The following AUTS2 variants were observed in gnomAD, a reference collection of about 807,000 sequenced individuals.
AUTS2 encodes the protein autism susceptibility gene 2 protein.
A neutral mutation model predicts 112.4 loss-of-function variants in AUTS2; 17 were observed. The observed-to-expected ratio is 0.15, with a 90% CI of 0.10 to 0.23. The LOEUF (loss-of-function observed/expected upper bound fraction) is 0.23. Ranked by LOEUF, AUTS2 falls within the 10% of genes least tolerant of loss-of-function variation. AUTS2 has a pLI of 1.00. For missense variants in AUTS2, 1,510 were observed against 1,701.6 expected (o/e 0.89, Z 1.98); for synonymous variants, 751 against 702.7 (o/e 1.07, Z -1.09).
intron 4 of AUTS2, among the ~76,000 whole-genome samples, chr7:70,426,649 T>C (rs1035982856): frequency 1.3e-5 from 2 of 152,192 alleles, no homozygotes; most frequent in Admixed American, 6.5e-5. Flanking sequence ...CTGCTTGCCG[T>C]CTGCAATGAT....
intron 2 of AUTS2, among the ~76,000 whole-genome samples, chr7:69,967,670 C>G (rs1298474567): frequency 6.6e-6 from 1 of 152,200 alleles, no homozygotes; most frequent in Non-Finnish European, 1.5e-5. Context: ...TTTGCTGACA[C>G]ACTGCTTTTT....
At chr7:70,418,075 CTGTGTGTGTG>C (rs34869843) in intron 4 of AUTS2, among the ~76,000 whole-genome samples, 20 of 136,462 alleles carry the variant, frequency 1.5e-4, no homozygotes, top group African/African-American at 3.9e-4. Context: ...GGCTAACTTT[CTGTGTGTGTG>C]TGTGTGTGTG....
rs149500298 is a variant in AUTS2 at position 69,618,438 on chromosome 7, T to C, written c.309+18476T>C. ...TTGGTCTTTCTGAGCTGAGTTTGAC[T>C]GGAGCGTTTTTCAAGACCTGCATGA... On this transcript the variant is annotated intron_variant, in intron 1 of 18. Transcript: ENST00000342771. Among the ~76,000 whole-genome samples the C allele has an allele frequency of 9.2e-5, 14 of 152,294 alleles. No individual in the cohort carries two copies. The East Asian group carries it at 2.7e-3, about 29-fold the overall frequency.
intron 4 of AUTS2, among the ~76,000 whole-genome samples, chr7:70,407,871 G>C (rs1261299000): frequency 6.6e-6 from 1 of 151,946 alleles, no homozygotes; most frequent in African/African-American, 2.4e-5. Flanking sequence ...TGGCTAACAC[G>C]GTGAAACCCC....
intron 1 of AUTS2, among the ~76,000 whole-genome samples, chr7:69,814,966 T>A (rs1235883741): frequency 6.6e-6 from 1 of 152,230 alleles, no homozygotes; most frequent in Non-Finnish European, 1.5e-5. Flanking sequence ...CATTTAGGGA[T>A]GGAGAGAGAA....
chr7:69,688,619 T>C (rs1375930237), intron 1 of AUTS2, among the ~76,000 whole-genome samples: 1 of 152,202 alleles, frequency 6.6e-6, no homozygotes, highest in Non-Finnish European at 1.5e-5. Flanking sequence ...TTATCATTTC[T>C]TTTTGTTGGG....
chr7:69,720,496 A>G (rs988672635), intron 1 of AUTS2, among the ~76,000 whole-genome samples: 1 of 152,176 alleles, frequency 6.6e-6, no homozygotes, highest in Non-Finnish European at 1.5e-5. Flanking sequence ...AGAGCTTGCC[A>G]TTTCTAGTAA....
At chr7:70,552,188 C>T (rs1446326923) in intron 5 of AUTS2, among the ~76,000 whole-genome samples, 1 of 152,080 alleles carries the variant, frequency 6.6e-6, no homozygotes, top group African/African-American at 2.4e-5. Flanking sequence ...GGAACTTAAT[C>T]TAATTTATAC....
chr7:70,440,226 TAAA>T (rs768717430), intron 5 of AUTS2, among the ~76,000 whole-genome samples: 16 of 92,802 alleles, frequency 1.7e-4, no homozygotes, highest in Admixed American at 3.6e-4. Context: ...GCCCTGTCTC[TAAA>T]AAAAAAAAAA....
chr7:70,584,088 A>C (rs1802579201), intron 5 of AUTS2, among the ~76,000 whole-genome samples: 1 of 152,210 alleles, frequency 6.6e-6, no homozygotes, highest in African/African-American at 2.4e-5. Context: ...CGGTGTGAAA[A>C]GCTGTTTTCC....
intron 4 of AUTS2, among the ~76,000 whole-genome samples, chr7:70,287,275 G>A (rs963007293): frequency 3.3e-5 from 5 of 152,228 alleles, no homozygotes; most frequent in South Asian, 2.1e-4. Context: ...TTACACCTTC[G>A]ACTGTTGTAC....
chr7:70,339,724 T>A (rs1246231221), intron 4 of AUTS2, among the ~76,000 whole-genome samples: 1 of 152,170 alleles, frequency 6.6e-6, no homozygotes, highest in African/African-American at 2.4e-5. Context: ...CTGATTTAAG[T>A]CTCAGATTGT....
chr7:69,635,511 A>G (rs1794477132), intron 1 of AUTS2, among the ~76,000 whole-genome samples: 1 of 152,198 alleles, frequency 6.6e-6, no homozygotes, highest in Non-Finnish European at 1.5e-5. Flanking sequence ...TTAACAAGGA[A>G]AGCTGACATG....
chr7:69,936,930 A>C, intron 2 of AUTS2, among the ~76,000 whole-genome samples: 1 of 148,394 alleles, frequency 6.7e-6, no homozygotes, highest in Admixed American at 6.7e-5. Context: ...TTTTCCCTTT[A>C]CCCTCTTCTC....
At chr7:70,755,213 G>A (rs1789119230) in intron 6 of AUTS2, among the ~76,000 whole-genome samples, 1 of 151,964 alleles carries the variant, frequency 6.6e-6, no homozygotes, top group Non-Finnish European at 1.5e-5. Context: ...GTTTGAGGCT[G>A]CAATGGGCTA....
At chr7:69,605,407 A>G (rs953925869) in intron 1 of AUTS2, among the ~76,000 whole-genome samples, 1 of 152,082 alleles carries the variant, frequency 6.6e-6, no homozygotes, top group Non-Finnish European at 1.5e-5. Context: ...ATTGTTACCA[A>G]CCCCACCAGG....
chr7:70,076,906 T>C (rs907218574), intron 2 of AUTS2, among the ~76,000 whole-genome samples: 1 of 152,184 alleles, frequency 6.6e-6, no homozygotes, highest in African/African-American at 2.4e-5. Flanking sequence ...GAGAAAGTTA[T>C]CCAGGTGGTT....
At chr7:70,739,559 C>T (rs1442909591) in intron 6 of AUTS2, among the ~76,000 whole-genome samples, 1 of 151,896 alleles carries the variant, frequency 6.6e-6, no homozygotes, top group East Asian at 1.9e-4. Context: ...TCTGAAGTTA[C>T]AGGATAGGAG....
chr7:70,578,639 T>C (rs2129526744), intron 5 of AUTS2, among the ~76,000 whole-genome samples: 1 of 152,264 alleles, frequency 6.6e-6, no homozygotes, highest in East Asian at 1.9e-4. Flanking sequence ...CAAGAATCAG[T>C]CCCCCTCTTC....
Sources: gnomAD v4.1 joint callset for allele counts (sites outside exome capture counted in the v4.1 genomes callset) on GRCh38, gnomAD v4.1.1 for gene constraint, MANE v1.5 for transcripts, NCBI Gene and HGNC (gene_info 2026-07-23, HGNC 2026-07-21) for gene names.